PRKCI: variants seen among roughly 807,000 people sequenced by gnomAD.
The protein encoded by PRKCI is protein kinase C iota, also known as protein kinase C iota type.
Under a neutral mutation model 84.0 loss-of-function variants are expected in PRKCI, and 43 were observed. That is an observed-to-expected ratio of 0.51 (90% CI 0.40 to 0.66). PRKCI has a LOEUF of 0.66. Ranked by LOEUF, PRKCI falls within the 30% of genes least tolerant of loss-of-function variation. The pLI, the probability that PRKCI is intolerant of heterozygous loss-of-function variation, is 0.00. For missense variants in PRKCI, 459 were observed against 745.6 expected, an observed-to-expected ratio of 0.62 and a Z score of 4.48; for synonymous variants, 216 against 234.4, an observed-to-expected ratio of 0.92 and a Z score of 0.72.
chr3:170,250,892 G>A (rs1733427315), intron 2 of PRKCI, among the ~76,000 whole-genome samples: 1 of 152,088 alleles, frequency 6.6e-6, no homozygotes, highest in Admixed American at 6.6e-5. Context: ...CAAAAATAGT[G>A]TACCTGTGTA....
chr3:170,239,739 GTGTT>G (rs1733073576), intron 2 of PRKCI, among the ~76,000 whole-genome samples: 1 of 149,282 alleles, frequency 6.7e-6, no homozygotes, highest in African/African-American at 2.5e-5. Context: ...GTATGGTAGA[GTGTT>G]TTTTTTTTTT....
intron 1 of PRKCI, among the ~76,000 whole-genome samples, chr3:170,227,299 G>A (rs1180248049): frequency 2.6e-5 from 4 of 152,180 alleles, no homozygotes; most frequent in South Asian, 2.1e-4. Context: ...ATTGTTGAAC[G>A]TCCGTAATCC....
chr3:170,270,672 T>A, intron 6 of PRKCI, 111 bp downstream of exon 6: 1 of 1,294,688 alleles, frequency 7.7e-7, no homozygotes, highest in Non-Finnish European at 1.0e-6. Flanking sequence ...CACAACAGAG[T>A]AGCTACAGAG....
At chr3:170,291,831 C>T (rs1315179863) in intron 12 of PRKCI, 23 bp from the exon 13 acceptor site, 2 of 1,552,754 alleles carry the variant, frequency 1.3e-6, no homozygotes, top group African/African-American at 1.4e-5. Context: ...CTCATTCTTT[C>T]TTTCTGTTCT....
chr3:170,277,416 A>G (rs1476444486), intron 8 of PRKCI, among the ~76,000 whole-genome samples: 4 of 152,094 alleles, frequency 2.6e-5, no homozygotes, highest in African/African-American at 7.2e-5. Context: ...AGCTGTTACT[A>G]AAAAATCAAC....
At chr3:170,293,554 T>C in intron 14 of PRKCI, 46 bp downstream of exon 14, 1 of 1,583,510 alleles carries the variant, frequency 6.3e-7, no homozygotes, top group Non-Finnish European at 8.6e-7. Flanking sequence ...AAACCTATTC[T>C]AGAGTACAAA....
intron 3 of PRKCI, among the ~76,000 whole-genome samples, chr3:170,261,019 C>T (rs184616760): frequency 6.6e-6 from 1 of 152,044 alleles, no homozygotes; most frequent in East Asian, 1.9e-4. Flanking sequence ...TGCATTGGTG[C>T]AGTCATAGCT....
intron 17 of PRKCI, among the ~76,000 whole-genome samples, chr3:170,301,086 G>A (rs1180399110): frequency 6.6e-6 from 1 of 152,104 alleles, no homozygotes; most frequent in Admixed American, 6.6e-5. Flanking sequence ...AAGGTGTTAT[G>A]GTAAATACTA....
intron 1 of PRKCI, among the ~76,000 whole-genome samples, chr3:170,230,445 C>T (rs1025354646): frequency 6.6e-6 from 1 of 152,214 alleles, no homozygotes; most frequent in African/African-American, 2.4e-5. Flanking sequence ...ATTCTCCTGC[C>T]TCAGCCTCCC....
intron 12 of PRKCI, among the ~76,000 whole-genome samples, chr3:170,291,020 C>G (rs929372291): frequency 6.6e-6 from 1 of 152,078 alleles, no homozygotes; most frequent in African/African-American, 2.4e-5. Flanking sequence ...CCTATAATCT[C>G]AGCTACTCTG....
intron 1 of PRKCI, among the ~76,000 whole-genome samples, chr3:170,223,201 GT>G (rs1281839112): frequency 1.3e-5 from 2 of 152,266 alleles, no homozygotes; most frequent in East Asian, 3.9e-4. Context: ...TTAGCTGTCC[GT>G]TTTGATTACC....
chr3:170,270,119 T>C (rs1461244240), intron 5 of PRKCI, among the ~76,000 whole-genome samples: 4 of 152,246 alleles, frequency 2.6e-5, no homozygotes, highest in Non-Finnish European at 5.9e-5. Flanking sequence ...CTGCCATATA[T>C]ATTTCTAGTT....
At chr3:170,297,598 C>G (rs974632601) in intron 16 of PRKCI, among the ~76,000 whole-genome samples, 1 of 152,050 alleles carries the variant, frequency 6.6e-6, no homozygotes, top group Non-Finnish European at 1.5e-5. Context: ...ATTACAGTCA[C>G]TCACCACCAT....
chr3:170,258,646 T>A (rs1322239669), intron 2 of PRKCI, among the ~76,000 whole-genome samples: 1 of 152,174 alleles, frequency 6.6e-6, no homozygotes, highest in Non-Finnish European at 1.5e-5. Context: ...ATGTGCCACC[T>A]CATTGATCGC....
In PRKCI at chr3:170,263,448, C is replaced by A; in HGVS notation, c.364+19C>A. On this transcript the variant is annotated intron_variant, in intron 4 of 17. Coordinates refer to ENST00000295797, the MANE Select transcript of PRKCI (RefSeq NM_002740.6). The stretch of plus-strand genomic sequence containing the variant: ...GAAGATAGTGAGTGTTTATATACTT[C>A]ATACCTTTTACAAGAGTTACTATGC... 1 of 1,558,194 alleles carries A rather than the reference C, an allele frequency of 6.4e-7. No individual in the cohort carries two copies.
In PRKCI at chr3:170,303,109, T is replaced by C; in HGVS notation, c.1773T>C (p.Ser591=). 6.2e-7 allele frequency: 1 copy of C among 1,601,066 alleles called. No homozygotes were observed. The highest frequency in any genetic ancestry group is 1.1e-5 in the South Asian group (1 of 89,814). Residue 591 remains serine (S), a synonymous_variant, in exon 18 of 18, where the codon TCT becomes TCC. Coordinates refer to ENST00000295797, the MANE Select transcript of PRKCI (RefSeq NM_002740.6). ...GFEYINPLLM[S]AEECV ...AGTATATCAATCCTCTTTTGATGTC[T>C]GCAGAAGAATGTGTCTGATCCTCAT...
chr3:170,249,030 A>G (rs1320828052), intron 2 of PRKCI, among the ~76,000 whole-genome samples: 1 of 151,910 alleles, frequency 6.6e-6, no homozygotes, highest in Non-Finnish European at 1.5e-5. Context: ...TTGTATTTTC[A>G]GTAGAGACGG....
intron 12 of PRKCI, among the ~76,000 whole-genome samples, chr3:170,285,270 G>A (rs984072838): frequency 6.6e-6 from 1 of 151,954 alleles, no homozygotes; most frequent in African/African-American, 2.4e-5. Flanking sequence ...TAGAAGAGAC[G>A]GGGTTTCACC....
intron 2 of PRKCI, among the ~76,000 whole-genome samples, chr3:170,239,615 C>T (rs892231055): frequency 6.6e-6 from 1 of 152,084 alleles, no homozygotes; most frequent in African/African-American, 2.4e-5. Context: ...GTTCTGTTCC[C>T]AGATTGTCAC....
Sources: gnomAD v4.1 joint callset for allele counts (sites outside exome capture counted in the v4.1 genomes callset) on GRCh38, gnomAD v4.1.1 for gene constraint, MANE v1.5 for transcripts, NCBI Gene and HGNC (gene_info 2026-07-23, HGNC 2026-07-21) for gene names.